ZFP62: variants seen among roughly 807,000 people sequenced by gnomAD.
ZFP62 encodes zinc finger protein 62 homolog.
ZFP62 carries 44 observed loss-of-function variants against 56.4 expected under a neutral mutation model. The ratio of observed to expected loss-of-function variants is 0.78; its 90% confidence interval spans 0.61 to 1.00. The LOEUF (loss-of-function observed/expected upper bound fraction) is 1.00. Among genes scored for constraint, ZFP62 ranks in the 50% least tolerant of loss-of-function variants. ZFP62 has a pLI of 0.00. For missense variants in ZFP62, 1,030 were observed against 1,085.7 expected (o/e 0.95, Z 0.72); for synonymous variants, 421 against 388.9 (o/e 1.08, Z -0.97).
the ZFP62 span, among the ~76,000 whole-genome samples, chr5:180,828,698 C>T: frequency 6.6e-6 from 1 of 152,118 alleles, no homozygotes; most frequent in African/African-American, 2.4e-5. Context: ...GAAATCAGTG[C>T]ACCTTGAAAA....
the ZFP62 span, among the ~76,000 whole-genome samples, chr5:180,836,449 G>A: frequency 6.6e-6 from 1 of 152,126 alleles, no homozygotes; most frequent in African/African-American, 2.4e-5. Context: ...TTCACACAGT[G>A]TTCTCCCCTG....
chr5:180,829,779 G>A, the ZFP62 span, among the ~76,000 whole-genome samples: 3 of 152,112 alleles, frequency 2.0e-5, no homozygotes, highest in Non-Finnish European at 4.4e-5. Flanking sequence ...ATACCTCGGA[G>A]CCGACACTGA....
the ZFP62 span, among the ~76,000 whole-genome samples, chr5:180,840,074 T>G: frequency 6.6e-6 from 1 of 152,192 alleles, no homozygotes; most frequent in African/African-American, 2.4e-5. Flanking sequence ...AGAGGCGAGC[T>G]GAGGATCCCC....
At chr5:180,855,922 G>A (rs142166157) in intron 1 of ZFP62, among the ~76,000 whole-genome samples, 1 of 152,256 alleles carries the variant, frequency 6.6e-6, no homozygotes, top group Non-Finnish European at 1.5e-5. Flanking sequence ...GTTCTCCCAG[G>A]CTACTTACTG....
the ZFP62 span, among the ~76,000 whole-genome samples, chr5:180,838,434 A>G: frequency 2.2e-4 from 33 of 152,254 alleles, no homozygotes; most frequent in Admixed American, 2.0e-3. Context: ...AACACTCACA[A>G]TGCACAATTC....
chr5:180,845,069 G>A (rs1052898554), downstream of ZFP62, among the ~76,000 whole-genome samples: 1 of 152,070 alleles, frequency 6.6e-6, no homozygotes, highest in Non-Finnish European at 1.5e-5. Context: ...TGGTGGTTCA[G>A]GCCTGTAATC....
At chr5:180,843,437 G>A (rs1302309068), downstream of ZFP62, among the ~76,000 whole-genome samples, 1 of 152,102 alleles carries the variant, frequency 6.6e-6, no homozygotes, top group East Asian at 1.9e-4. Context: ...CAAACTATAT[G>A]CTATTTCCAA....
intron 1 of ZFP62, chr5:180,852,140 A>C (rs184429699): frequency 6.6e-6 from 3 of 457,132 alleles, no homozygotes; most frequent in Non-Finnish European, 5.8e-6. Flanking sequence ...ATGGAATAGA[A>C]CAGGAAGTCC....
chr5:180,845,088 T>C (rs1366835090), downstream of ZFP62, among the ~76,000 whole-genome samples: 1 of 152,004 alleles, frequency 6.6e-6, no homozygotes, highest in Non-Finnish European at 1.5e-5. Flanking sequence ...TCTCAGCACC[T>C]TGGGAGTCTG....
chr5:180,827,946 T>G, the ZFP62 span, among the ~76,000 whole-genome samples: 5 of 152,226 alleles, frequency 3.3e-5, no homozygotes, highest in African/African-American at 1.2e-4. Context: ...ATTCTTTACC[T>G]TGTCTATGAT....
At chr5:180,855,115 C>T (rs1274782267) in intron 1 of ZFP62, among the ~76,000 whole-genome samples, 2 of 152,102 alleles carry the variant, frequency 1.3e-5, no homozygotes, top group Non-Finnish European at 2.9e-5. Context: ...TATATAATTA[C>T]CTACAAATGG....
chr5:180,840,286 G>A, the ZFP62 span, among the ~76,000 whole-genome samples: 7 of 152,216 alleles, frequency 4.6e-5, no homozygotes, highest in Admixed American at 4.6e-4. Flanking sequence ...GTGAAAAGGG[G>A]CAGTCAGCTT....
At chr5:180,844,355 G>A (rs1211415112), downstream of ZFP62, among the ~76,000 whole-genome samples, 1 of 152,148 alleles carries the variant, frequency 6.6e-6, no homozygotes, top group African/African-American at 2.4e-5. Context: ...CCCATGGTTT[G>A]CACCCAAGAC....
In ZFP62 at chr5:180,849,223, C is replaced by T. The variant is rs1409716315; in HGVS notation, c.2272G>A (p.Val758Met). Reference sequence around the variant, plus strand: ...AAGGCCTTCCCACACCTATCACACACATAGGGTTTCTCCCCTGTGTGGATC... The same window carrying T: ...AAGGCCTTCCCACACCTATCACACATATAGGGTTTCTCCCCTGTGTGGATC... ...KRIHTGEKPY[V>M]CDRCGKAFRN... The change falls in exon 2 of 2, where the codon GTG becomes ATG. Residue 758 changes from valine to methionine, a missense_variant. Val to Met is a conservative substitution (Grantham distance 21). Transcript: ENST00000502412. 6.4e-7 allele frequency: 1 copy of T among 1,559,260 alleles called. No individual in the cohort carries two copies. The highest frequency in any genetic ancestry group is 8.7e-7 in the Non-Finnish European group (1 of 1,151,652).
intron 1 of ZFP62, chr5:180,860,637 C>CG (rs1356951564): frequency 7.4e-6 from 1 of 134,504 alleles, no homozygotes; most frequent in Non-Finnish European, 1.5e-5. Flanking sequence ...GACGCACCTC[C>CG]GGGGTCTCTA....
chr5:180,827,522 A>G, the ZFP62 span, among the ~76,000 whole-genome samples: 1 of 151,536 alleles, frequency 6.6e-6, no homozygotes, highest in Non-Finnish European at 1.5e-5. Context: ...AGTCATCACC[A>G]CTCCCTAATC....
chr5:180,831,330 G>A, the ZFP62 span: 2 of 152,288 alleles, frequency 1.3e-5, no homozygotes, highest in South Asian at 2.1e-4. Flanking sequence ...GCGGGAGCCG[G>A]GGCGCCTCGG....
the ZFP62 span, chr5:180,831,556 C>T: frequency 6.6e-6 from 1 of 152,318 alleles, no homozygotes; most frequent in Admixed American, 6.5e-5. Context: ...TAAATTAGAA[C>T]CGGCCTATGC....
At chr5:180,854,617 G>C (rs1422054763) in intron 1 of ZFP62, among the ~76,000 whole-genome samples, 2 of 152,176 alleles carry the variant, frequency 1.3e-5, no homozygotes, top group African/African-American at 4.8e-5. Context: ...GAGAGACAAT[G>C]CCTTGGCCAG....
Sources: allele counts gnomAD v4.1 joint callset (sites outside exome capture counted in the v4.1 genomes callset), GRCh38; gene constraint gnomAD v4.1.1; transcripts MANE v1.5; gene names NCBI Gene and HGNC (gene_info 2026-07-23, HGNC 2026-07-21).